The following ERBB4 variants were observed in gnomAD, a reference collection of about 807,000 sequenced individuals.
The protein encoded by ERBB4 is receptor tyrosine-protein kinase erbB-4.
In ERBB4, 42 loss-of-function variants were observed where a neutral mutation model predicts 158.0. The ratio of observed to expected loss-of-function variants is 0.27; its 90% CI spans 0.21 to 0.34. The LOEUF (loss-of-function observed/expected upper bound fraction) is 0.34. ERBB4 is among the 10% of genes least tolerant of loss of function. The pLI, the probability that ERBB4 is intolerant of heterozygous loss-of-function variation, is 1.00. For missense variants in ERBB4, 1,333 were observed against 1,624.1 expected (o/e 0.82, Z 3.08); for synonymous variants, 583 against 558.7 (o/e 1.04, Z -0.61).
intron 1 of ERBB4, among the ~76,000 whole-genome samples, chr2:212,156,387 G>C (rs940004833): frequency 6.6e-6 from 1 of 152,120 alleles, no homozygotes; most frequent in African/African-American, 2.4e-5. Flanking sequence ...CTACAGTCAA[G>C]TGTAATTTCT....
chr2:211,624,201 C>T lies in ERBB4; in HGVS notation c.2080-157G>A, dbSNP rs191580298. Among the ~76,000 whole-genome samples, 158 of 152,288 alleles carry T rather than the reference C, an allele frequency of 1.0e-3. 2 individuals carry two copies. The highest frequency in any genetic ancestry group is 3.6e-3 in the African/African-American group (150 of 41,546). On this transcript the variant is annotated intron_variant, in intron 17 of 27. Coordinates refer to ENST00000342788, the MANE Select transcript of ERBB4 (RefSeq NM_005235.3). ...ACCAATACCTTCGTAATATGCACCA[C>T]TCACCATTCACTGACACATTTATGC... is the stretch of plus-strand genomic sequence containing the variant.
rs74503273 is a variant in ERBB4, at chr2:211,912,080, G to A, written c.421+35350C>T. ...ATTCCTTAAAGTGGGGAGAAGGTAC[G>A]TAGGAAGACAGGTAGGTAGGCAGTA... On this transcript the variant is annotated intron_variant, in intron 3 of 27. Coordinates refer to ENST00000342788, the MANE Select transcript of ERBB4 (RefSeq NM_005235.3). Among the ~76,000 whole-genome samples, 225 of 152,238 alleles carry A rather than the reference G, an allele frequency of 1.5e-3. 1 individual carries two copies. The highest frequency in any genetic ancestry group is 5.1e-3 in the African/African-American group (213 of 41,546).
intron 3 of ERBB4, among the ~76,000 whole-genome samples, chr2:211,920,511 A>G (rs1167151278): frequency 2.6e-5 from 4 of 151,970 alleles, no homozygotes; most frequent in Non-Finnish European, 5.9e-5. Context: ...TTGTAATCAA[A>G]GAATTTTAAA....
chr2:211,963,637 TTCTC>T (rs1209995511), intron 2 of ERBB4, among the ~76,000 whole-genome samples: 3 of 152,062 alleles, frequency 2.0e-5, no homozygotes, highest in African/African-American at 7.2e-5. Context: ...TCTTTTCTCT[TTCTC>T]TCTGTTTCTC....
At chr2:212,229,291 C>G (rs774751428) in intron 1 of ERBB4, among the ~76,000 whole-genome samples, 5 of 152,076 alleles carry the variant, frequency 3.3e-5, no homozygotes, top group Non-Finnish European at 5.9e-5. Context: ...GCTCAGGGAT[C>G]ATTCAAATAA....
At chr2:212,335,011 G>C (rs1258850665) in intron 1 of ERBB4, among the ~76,000 whole-genome samples, 3 of 151,822 alleles carry the variant, frequency 2.0e-5, no homozygotes, top group African/African-American at 7.2e-5. Context: ...TAAAGAAAAT[G>C]CTGTCTTTTA....
intron 15 of ERBB4, among the ~76,000 whole-genome samples, chr2:211,659,046 G>C (rs2071323569): frequency 1.3e-5 from 2 of 152,110 alleles, no homozygotes; most frequent in South Asian, 4.1e-4. Context: ...ATTTGAAAAA[G>C]CAGCTTAAGA....
At chr2:212,114,831 G>C (rs1483127732) in intron 2 of ERBB4, among the ~76,000 whole-genome samples, 1 of 151,986 alleles carries the variant, frequency 6.6e-6, no homozygotes, top group African/African-American at 2.4e-5. Context: ...CTCCAAAAAA[G>C]CTTTGTAAAA....
intron 3 of ERBB4, among the ~76,000 whole-genome samples, chr2:211,887,820 G>A (rs1575319844): frequency 6.6e-6 from 1 of 152,102 alleles, no homozygotes; most frequent in Non-Finnish European, 1.5e-5. Context: ...ATATCCAAGA[G>A]GGTATGGATT....
At chr2:211,524,730 G>T (rs1050407137) in intron 20 of ERBB4, among the ~76,000 whole-genome samples, 1 of 150,978 alleles carries the variant, frequency 6.6e-6, no homozygotes, top group Admixed American at 6.6e-5. Context: ...AGCGCCAGGC[G>T]CAGCCCAGAT....
intron 1 of ERBB4, among the ~76,000 whole-genome samples, chr2:212,334,754 T>C (rs2088347028): frequency 6.6e-6 from 1 of 152,026 alleles, no homozygotes; most frequent in Non-Finnish European, 1.5e-5. Flanking sequence ...TTATTAAAAA[T>C]CTGATGCCAA....
intron 16 of ERBB4, among the ~76,000 whole-genome samples, chr2:211,653,505 T>A (rs993551213): frequency 7.6e-6 from 1 of 132,246 alleles, no homozygotes; most frequent in African/African-American, 2.8e-5. Flanking sequence ...CCCGCTGGTT[T>A]GGGAAACAGA....
At chr2:211,539,106 C>A (rs1205332402) in intron 20 of ERBB4, among the ~76,000 whole-genome samples, 1 of 151,828 alleles carries the variant, frequency 6.6e-6, no homozygotes, top group African/African-American at 2.4e-5. Context: ...TTTTTTGAAG[C>A]CAATTGTTCT....
At chr2:211,951,822 C>T (rs1223020676) in intron 2 of ERBB4, among the ~76,000 whole-genome samples, 4 of 152,032 alleles carry the variant, frequency 2.6e-5, no homozygotes, top group South Asian at 2.1e-4. Flanking sequence ...AACAAATATC[C>T]TTTTCTTATG....
intron 1 of ERBB4, among the ~76,000 whole-genome samples, chr2:212,505,444 A>G (rs1691139169): frequency 8.0e-6 from 1 of 124,224 alleles, no homozygotes; most frequent in Non-Finnish European, 2.0e-5. Flanking sequence ...AAGTGAGGAC[A>G]CAATGAGGTC....
chr2:212,181,436 A>G (rs1237769953), intron 1 of ERBB4, among the ~76,000 whole-genome samples: 1 of 151,684 alleles, frequency 6.6e-6, no homozygotes, highest in African/African-American at 2.4e-5. Flanking sequence ...ATTATGTAAA[A>G]TGCAGATCTT....
intron 20 of ERBB4, among the ~76,000 whole-genome samples, chr2:211,541,526 T>C (rs2066809376): frequency 1.3e-5 from 2 of 152,048 alleles, no homozygotes; most frequent in African/African-American, 4.8e-5. Flanking sequence ...CCCTTTTCTT[T>C]AGCAATGGTT....
chr2:211,464,971 CTTTTT>C (rs908796417), intron 20 of ERBB4, among the ~76,000 whole-genome samples: 9 of 75,666 alleles, frequency 1.2e-4, no homozygotes, highest in South Asian at 6.7e-4. Flanking sequence ...CCTTGTTTTT[CTTTTT>C]TTTTTCTTTT....
intron 2 of ERBB4, among the ~76,000 whole-genome samples, chr2:211,973,455 C>A (rs1250295662): frequency 6.6e-6 from 1 of 152,150 alleles, no homozygotes; most frequent in East Asian, 1.9e-4. Flanking sequence ...CTTGCCTCAG[C>A]CTCCCAAAGT....
Sources: allele counts gnomAD v4.1 joint callset (sites outside exome capture counted in the v4.1 genomes callset), GRCh38; gene constraint gnomAD v4.1.1; transcripts MANE v1.5; gene names NCBI Gene and HGNC (gene_info 2026-07-23, HGNC 2026-07-21).